The following LGSN variants were observed in gnomAD, a reference collection of about 807,000 sequenced individuals.
LGSN encodes the protein lengsin, lens protein with glutamine synthetase domain.
A neutral mutation model predicts 19.5 loss-of-function variants in LGSN; 21 were observed. That is an observed-to-expected ratio of 1.07 (90% CI 0.76 to 1.55). The LOEUF (loss-of-function observed/expected upper bound fraction) is 1.55. LGSN is among the 40% of genes most tolerant of loss of function. The pLI, the probability that LGSN is intolerant of heterozygous loss-of-function variation, is 0.00. For missense variants in LGSN, 673 were observed against 608.5 expected (o/e 1.11, Z -1.12); for synonymous variants, 257 against 215.6 (o/e 1.19, Z -1.68).
the LGSN span, among the ~76,000 whole-genome samples, chr6:63,541,227 C>A: frequency 6.6e-6 from 1 of 152,114 alleles, no homozygotes; most frequent in African/African-American, 2.4e-5. Flanking sequence ...CAATATCTCC[C>A]ATTGCCTCCC....
At chr6:63,283,045 A>G (rs1767379148) in intron 3 of LGSN, among the ~76,000 whole-genome samples, 1 of 152,166 alleles carries the variant, frequency 6.6e-6, no homozygotes, top group Non-Finnish European at 1.5e-5. Flanking sequence ...AGTAGAGAAC[A>G]GCTGGTTGCC....
chr6:63,492,428 A>C, the LGSN span, among the ~76,000 whole-genome samples: 1 of 152,238 alleles, frequency 6.6e-6, no homozygotes, highest in African/African-American at 2.4e-5. Flanking sequence ...TCCTTTGAAA[A>C]CATCCGTAAT....
At chr6:63,508,949 T>A in the LGSN span, among the ~76,000 whole-genome samples, 2 of 151,314 alleles carry the variant, frequency 1.3e-5, no homozygotes, top group Non-Finnish European at 2.9e-5. Flanking sequence ...AAAAGAGTAT[T>A]TCTGGGGTGA....
the LGSN span, among the ~76,000 whole-genome samples, chr6:63,487,986 AT>A: frequency 6.9e-4 from 104 of 150,860 alleles, no homozygotes; most frequent in African/African-American, 1.2e-3. Flanking sequence ...TCTCAAAAAA[AT>A]AAAAAATCTA....
At chr6:63,351,207 C>A in the LGSN span, among the ~76,000 whole-genome samples, 1 of 152,120 alleles carries the variant, frequency 6.6e-6, no homozygotes, top group African/African-American at 2.4e-5. Flanking sequence ...TCACCAGACA[C>A]CAAAGCTACC....
the LGSN span, among the ~76,000 whole-genome samples, chr6:63,475,314 CAA>C: frequency 1.7e-3 from 172 of 99,272 alleles, no homozygotes; most frequent in East Asian, 0.015. Context: ...ATAGATCTGC[CAA>C]AAAAAAAAAA....
At chr6:63,478,802 G>A in the LGSN span, among the ~76,000 whole-genome samples, 1 of 152,084 alleles carries the variant, frequency 6.6e-6, no homozygotes, top group Non-Finnish European at 1.5e-5. Context: ...CAAAAGGTAG[G>A]GTGTGCTTTA....
chr6:63,573,561 TG>T, the LGSN span: 1 of 152,220 alleles, frequency 6.6e-6, no homozygotes, highest in Admixed American at 6.5e-5. Flanking sequence ...GGCGGCCCTC[TG>T]GGGCATTCCG....
chr6:63,447,700 T>C, the LGSN span, among the ~76,000 whole-genome samples: 1 of 152,192 alleles, frequency 6.6e-6, no homozygotes, highest in Non-Finnish European at 1.5e-5. Context: ...TCTTGGAATT[T>C]CTATTACTTT....
chr6:63,394,088 C>T, the LGSN span, among the ~76,000 whole-genome samples: 146 of 152,114 alleles, frequency 9.6e-4, 2 homozygotes, highest in African/African-American at 3.2e-3. Flanking sequence ...GCCAACATGG[C>T]GAAACCTGTC....
chr6:63,539,932 AT>A, the LGSN span, among the ~76,000 whole-genome samples: 1 of 152,210 alleles, frequency 6.6e-6, no homozygotes. Context: ...ATGGACAAAC[AT>A]TGGAAAGTTG....
chr6:63,284,953 G>A (rs959814402), intron 3 of LGSN, among the ~76,000 whole-genome samples: 2 of 152,114 alleles, frequency 1.3e-5, no homozygotes, highest in African/African-American at 2.4e-5. Context: ...CCGACCTGAT[G>A]TCCCTTGCTA....
chr6:63,431,439 G>A, the LGSN span, among the ~76,000 whole-genome samples: 4 of 152,174 alleles, frequency 2.6e-5, no homozygotes, highest in Non-Finnish European at 5.9e-5. Flanking sequence ...GGACTTCTAC[G>A]TGTTTCCCAT....
chr6:63,378,111 A>G, the LGSN span, among the ~76,000 whole-genome samples: 1 of 152,008 alleles, frequency 6.6e-6, no homozygotes, highest in African/African-American at 2.4e-5. Flanking sequence ...AAGTATTTGC[A>G]AAGGATGACA....
chr6:63,517,899 A>G, the LGSN span, among the ~76,000 whole-genome samples: 1 of 152,278 alleles, frequency 6.6e-6, no homozygotes, highest in South Asian at 2.1e-4. Flanking sequence ...CACGCCTGCA[A>G]TCCCAACACT....
At chr6:63,408,960 G>A in the LGSN span, among the ~76,000 whole-genome samples, 1 of 152,110 alleles carries the variant, frequency 6.6e-6, no homozygotes, top group Non-Finnish European at 1.5e-5. Flanking sequence ...GCCCAGGCTG[G>A]AGTGCAGTAG....
chr6:63,345,943 T>C, the LGSN span, among the ~76,000 whole-genome samples: 1 of 152,234 alleles, frequency 6.6e-6, no homozygotes, highest in Non-Finnish European at 1.5e-5. Flanking sequence ...TTCTGGATTC[T>C]ATATTCCATT....
the LGSN span, among the ~76,000 whole-genome samples, chr6:63,338,361 T>C: frequency 3.3e-5 from 5 of 152,338 alleles, no homozygotes; most frequent in Admixed American, 1.3e-4. Flanking sequence ...AGCACCTGTC[T>C]GCTCTTCAGG....
the LGSN span, among the ~76,000 whole-genome samples, chr6:63,364,265 A>G: frequency 1.7e-5 from 2 of 117,328 alleles, no homozygotes; most frequent in Non-Finnish European, 3.1e-5. Flanking sequence ...CAAACAAACA[A>G]AAAAAAAACG....
Sources: gnomAD v4.1 joint callset for allele counts (sites outside exome capture counted in the v4.1 genomes callset) on GRCh38, gnomAD v4.1.1 for gene constraint, MANE v1.5 for transcripts, NCBI Gene and HGNC (gene_info 2026-07-23, HGNC 2026-07-21) for gene names.